CHPT1: variants seen among roughly 807,000 people sequenced by gnomAD.
CHPT1 encodes the protein cholinephosphotransferase 1.
In CHPT1, 36 loss-of-function variants were observed where a neutral mutation model predicts 47.6. That is an observed-to-expected ratio of 0.76 (90% CI 0.58 to 1.00). CHPT1 has a LOEUF of 1.00. CHPT1 is among the 50% of genes least tolerant of loss of function. CHPT1 has a pLI of 0.00. For missense variants in CHPT1, 458 were observed against 498.1 expected, an observed-to-expected ratio of 0.92 and a Z score of 0.77; for synonymous variants, 194 against 186.3, an observed-to-expected ratio of 1.04 and a Z score of -0.33.
intron 4 of CHPT1, 31 bp downstream of exon 4, chr12:101,716,843 G>C (rs1462179055): frequency 7.6e-7 from 1 of 1,316,892 alleles, no homozygotes; most frequent in Non-Finnish European, 1.0e-6. Flanking sequence ...TTATATTTAA[G>C]TACTTTTCAA....
At chr12:101,719,441 C>T (rs1281778754) in intron 4 of CHPT1, 1 of 689,144 alleles carries the variant, frequency 1.5e-6, no homozygotes, top group Non-Finnish European at 2.3e-6. Flanking sequence ...CCTCTAGCTT[C>T]TGGCAATTCA....
Position 101,726,357 on chromosome 12 carries a change from C to G in CHPT1, c.1129C>G (p.Leu377Val), listed in dbSNP as rs765674716. 20 of 1,612,954 alleles carry G rather than the reference C, an allele frequency of 1.2e-5. No individual in the cohort carries two copies. The East Asian group carries it at 4.5e-4, about 36-fold the overall frequency. The stretch of plus-strand genomic sequence containing the variant: ...TTTGTGCCTGCAAATTTCAAGACAC[C>G]TTCATCTAAATATATTCAAGACTGC... ...SALCLQISRHLHLNIFKTACH... is the reference protein window; with the variant it reads ...SALCLQISRHVHLNIFKTACH... The change falls in exon 8 of 9, where the codon CTT becomes GTT. Residue 377 changes from leucine to valine, a missense_variant. By Grantham distance (32) the Leu-to-Val change is conservative. Transcript: ENST00000229266.
chr12:101,708,158 T>C (rs1283310523), intron 1 of CHPT1, among the ~76,000 whole-genome samples: 1 of 152,206 alleles, frequency 6.6e-6, no homozygotes, highest in Non-Finnish European at 1.5e-5. Context: ...ATAGTTACAG[T>C]GTTGTCAGAA....
In CHPT1 at chr12:101,714,519, G is replaced by A; in HGVS notation, c.437G>A (p.Gly146Glu). 1.2e-6 allele frequency: 2 copies of A among 1,601,174 alleles called. No homozygotes were observed. The highest frequency in any genetic ancestry group is 1.7e-6 in the Non-Finnish European group (2 of 1,176,328). Residue 146 changes from glycine (G) to glutamate (E), a missense_variant, in exon 3 of 9, where the codon GGA becomes GAA. Physicochemically the swap from Gly to Glu is moderately conservative, Grantham distance 98. Transcript: ENST00000229266. ...TTTCTTTCAGTATTTATGGCAGTGG[G>A]AGCTTCAATTGCCGCTCGCTTAGGA... is the stretch of plus-strand genomic sequence containing the variant. ...DSLSTVFMAV[G>E]ASIAARLGTY... is the part of the protein sequence containing the mutation.
At chr12:101,720,012 C>T (rs1823773363) in intron 4 of CHPT1, 111 bp from the exon 5 acceptor site, 10 of 612,002 alleles carry the variant, frequency 1.6e-5, no homozygotes, top group Non-Finnish European at 2.5e-5. Flanking sequence ...AAGGTTTGAT[C>T]ACAAGAAAAA....
At chr12:101,711,565 A>T (rs1401959254) in intron 1 of CHPT1, among the ~76,000 whole-genome samples, 2 of 146,818 alleles carry the variant, frequency 1.4e-5, no homozygotes, top group Admixed American at 6.9e-5. Flanking sequence ...AGGTCAAAGG[A>T]TACATTACAG....
rs369656027 is a variant in CHPT1 at position 101,697,887 on chromosome 12, C to G, written c.26C>G (p.Ser9Cys). The change falls in exon 1 of 9, where the codon TCC becomes TGC. Residue 9 changes from serine to cysteine, a missense_variant. By Grantham distance (112) the Ser-to-Cys change is moderately radical. Transcript: ENST00000229266. Reference sequence around the variant, plus strand: ...ATGGCGGCAGGCGCCGGGGCCGGGTCCGCGCCGCGCTGGCTGAGGGCGCTG... The same window carrying G: ...ATGGCGGCAGGCGCCGGGGCCGGGTGCGCGCCGCGCTGGCTGAGGGCGCTG... MAAGAGAG[S>C]APRWLRALSE... The G allele has an allele frequency of 8.1e-7, 1 of 1,233,954 alleles. No homozygotes were observed. Among genetic ancestry groups the G allele is most frequent in the Non-Finnish European group, 1.0e-6 (1 of 989,876 alleles). The allele number at this position is 1,233,954 out of a possible 1,614,324, so 76.4% of individuals were successfully genotyped here.
intron 1 of CHPT1, among the ~76,000 whole-genome samples, chr12:101,700,467 A>G (rs1951539266): frequency 6.6e-6 from 1 of 152,160 alleles, no homozygotes; most frequent in African/African-American, 2.4e-5. Context: ...TATGCTTCTG[A>G]GTGACTGATG....
intron 1 of CHPT1, among the ~76,000 whole-genome samples, chr12:101,705,905 T>C (rs570612840): frequency 6.6e-6 from 1 of 151,514 alleles, no homozygotes; most frequent in South Asian, 2.1e-4. Context: ...TTTGTATTTT[T>C]AGTAGAGACG....
chr12:101,723,097 G>T, intron 5 of CHPT1, 71 bp from the exon 6 acceptor site: 1 of 1,382,156 alleles, frequency 7.2e-7, no homozygotes, highest in Admixed American at 1.7e-5. Context: ...AAAATAGATG[G>T]TCAGAAAATG....
At chr12:101,718,437 G>C (rs1273889915) in intron 4 of CHPT1, among the ~76,000 whole-genome samples, 6 of 152,084 alleles carry the variant, frequency 3.9e-5, no homozygotes, top group Non-Finnish European at 8.8e-5. Flanking sequence ...TAAAAACACA[G>C]TATGAGGCCA....
intron 1 of CHPT1, among the ~76,000 whole-genome samples, chr12:101,699,820 A>C (rs966888058): frequency 5.3e-5 from 8 of 152,180 alleles, no homozygotes; most frequent in African/African-American, 1.9e-4. Context: ...TACCAGAGGG[A>C]GTGTGTTAGA....
intron 1 of CHPT1, among the ~76,000 whole-genome samples, chr12:101,705,541 G>A (rs1951619409): frequency 1.7e-5 from 1 of 57,788 alleles, no homozygotes; most frequent in Admixed American, 2.1e-4. Context: ...CATTTTACAT[G>A]TGATAAGTCA....
At chr12:101,715,284 G>T (rs1020987819) in intron 3 of CHPT1, among the ~76,000 whole-genome samples, 1 of 152,050 alleles carries the variant, frequency 6.6e-6, no homozygotes, top group Non-Finnish European at 1.5e-5. Flanking sequence ...TAAGAACTTT[G>T]TCATTTGCTC....
rs771989647 is a variant in CHPT1 at position 101,714,619 on chromosome 12, T to C, written c.537T>C (p.Tyr179=). Residue 179 remains tyrosine, a synonymous_variant, in exon 3 of 9, where the codon TAT becomes TAC. Coordinates refer to ENST00000229266, the MANE Select transcript of CHPT1 (RefSeq NM_020244.3). The stretch of plus-strand genomic sequence containing the variant: ...TTTATTGCGCTCATTGGCAGACTTA[T>C]GTTTCAGGCATGTTGAGATTTGGAA... The part of the protein sequence containing the change: ...FVFYCAHWQT[Y]VSGMLRFGKV... 1.2e-6 allele frequency: 2 copies of C among 1,607,882 alleles called. No individual in the cohort carries two copies. Among genetic ancestry groups the C allele is most frequent in the South Asian group, 1.1e-5 (1 of 89,614 alleles).
At position 101,698,374 on chromosome 12, in the gene CHPT1, C is replaced by G. The variant is rs919812782; in HGVS notation, c.273+240C>G. On this transcript the variant is annotated intron_variant, in intron 1 of 8. Coordinates refer to ENST00000229266, the MANE Select transcript of CHPT1 (RefSeq NM_020244.3). Reference sequence around the variant, plus strand: ...AGCGGAGGGGCTGTTAAGGTCACTGCCCCAGGTCCTATGTCCGCGCAGATC... The same window carrying G: ...AGCGGAGGGGCTGTTAAGGTCACTGGCCCAGGTCCTATGTCCGCGCAGATC... Among the ~76,000 whole-genome samples the G allele has an allele frequency of 3.3e-5, 5 of 152,354 alleles. No individual in the cohort carries two copies. In the East Asian group the frequency reaches 9.7e-4, roughly 29 times the overall value.
intron 8 of CHPT1, 23 bp downstream of exon 8, chr12:101,726,427 T>A (rs770842797): frequency 7.5e-6 from 12 of 1,601,790 alleles, no homozygotes; most frequent in African/African-American, 1.3e-5. Flanking sequence ...ATTGACTGAC[T>A]AATAGCCCAA....
chr12:101,720,361 T>A, intron 5 of CHPT1, 107 bp downstream of exon 5: 1 of 945,676 alleles, frequency 1.1e-6, no homozygotes. Flanking sequence ...GGAAGGAAAC[T>A]AAGTATCTTA....
intron 7 of CHPT1, 29 bp from the exon 8 acceptor site, chr12:101,726,265 A>G (rs1951941258): frequency 7.0e-7 from 1 of 1,434,426 alleles, no homozygotes; most frequent in Admixed American, 1.7e-5. Flanking sequence ...ATCATAATCG[A>G]TTTTATATTT....
Sources: gnomAD v4.1 joint callset for allele counts (sites outside exome capture counted in the v4.1 genomes callset) on GRCh38, gnomAD v4.1.1 for gene constraint, MANE v1.5 for transcripts, NCBI Gene and HGNC (gene_info 2026-07-23, HGNC 2026-07-21) for gene names.